The following HDAC9 variants were observed in gnomAD, a reference collection of about 807,000 sequenced individuals.
HDAC9 encodes the protein MEF-2 interacting transcription repressor (MITR) protein.
HDAC9 carries 41 observed loss-of-function variants against 139.4 expected under a neutral mutation model. That is an observed-to-expected ratio of 0.29 (90% confidence interval 0.23 to 0.38). HDAC9 has a LOEUF of 0.38. Ranked by LOEUF, HDAC9 falls within the 10% of genes least tolerant of loss-of-function variation. The pLI is 1.00. For synonymous variants in HDAC9, 517 were observed against 476.2 expected, an observed-to-expected ratio of 1.09 and a Z score of -1.12; for missense variants, 1,147 against 1,297.0, an observed-to-expected ratio of 0.88 and a Z score of 1.78.
chr7:18,291,841 G>C (rs1428897054), intron 1 of HDAC9, among the ~76,000 whole-genome samples: 1 of 152,092 alleles, frequency 6.6e-6, no homozygotes, highest in South Asian at 2.1e-4. Flanking sequence ...TAAGCTCACA[G>C]AGCAAGGAGT....
intron 2 of HDAC9, among the ~76,000 whole-genome samples, chr7:18,173,882 T>C (rs1336567245): frequency 6.6e-6 from 1 of 152,236 alleles, no homozygotes; most frequent in Non-Finnish European, 1.5e-5. Flanking sequence ...TAACAGTTTT[T>C]CCTTCGTTTC....
chr7:18,209,003 T>C (rs1363871883), intron 2 of HDAC9, among the ~76,000 whole-genome samples: 2 of 152,352 alleles, frequency 1.3e-5, no homozygotes, highest in African/African-American at 4.8e-5. Flanking sequence ...CAAAAGTAAT[T>C]AGTCAACATA....
At chr7:18,396,939 A>C (rs181974160) in intron 1 of HDAC9, among the ~76,000 whole-genome samples, 1 of 151,968 alleles carries the variant, frequency 6.6e-6, no homozygotes, top group African/African-American at 2.4e-5. Flanking sequence ...TTGACTTACA[A>C]TGTAATACCT....
intron 17 of HDAC9, among the ~76,000 whole-genome samples, chr7:18,799,884 A>G (rs1427514057): frequency 6.6e-6 from 1 of 152,242 alleles, no homozygotes; most frequent in Non-Finnish European, 1.5e-5. Context: ...CCCAAATTCA[A>G]TAAAAACATT....
intron 2 of HDAC9, among the ~76,000 whole-genome samples, chr7:18,262,694 A>G (rs900982318): frequency 6.6e-6 from 1 of 152,226 alleles, no homozygotes; most frequent in African/African-American, 2.4e-5. Context: ...TAGTGTATTC[A>G]GAAGTAATTT....
In HDAC9 at chr7:18,757,842, G is replaced by C. The variant is rs1284387668; in HGVS notation, c.2044-4315G>C. ...CTTCTATAATCGGGATGCATTAACG[G>C]GCTCTCTTTCAGAAAGACTATTTCT... On this transcript the variant is annotated intron_variant, in intron 14 of 25. Coordinates refer to ENST00000686413, the MANE Select transcript of HDAC9 (RefSeq NM_178425.4). Among the ~76,000 whole-genome samples, 3 of 152,022 alleles carry C rather than the reference G, an allele frequency of 2.0e-5. No homozygotes were observed. In the East Asian group the frequency reaches 5.8e-4, roughly 29 times the overall value.
chr7:18,679,488 C>CTTTCT (rs1051806759), intron 12 of HDAC9, among the ~76,000 whole-genome samples: 1 of 151,500 alleles, frequency 6.6e-6, no homozygotes. Context: ...CCCTCTCTCC[C>CTTTCT]TTTCTTTTCT....
At chr7:18,204,941 G>C (rs1479236181) in intron 2 of HDAC9, among the ~76,000 whole-genome samples, 2 of 151,782 alleles carry the variant, frequency 1.3e-5, no homozygotes, top group African/African-American at 4.8e-5. Flanking sequence ...TTAAAAAGTT[G>C]TCATCTTTCA....
In HDAC9 at chr7:19,000,459, A is replaced by T. The variant is rs555130097; in HGVS notation, c.*4397A>T. ...GATGACATTTGTAAGTGAACGTGGT[A>T]TACTCACACATGCTATACTCATACT... On this transcript the variant is annotated 3_prime_UTR_variant, in exon 26 of 26. Transcript: ENST00000686413. 6.6e-6 allele frequency: 1 copy of T among 152,368 alleles called. No individual in the cohort carries two copies. Among genetic ancestry groups the T allele is most frequent in the African/African-American group, 2.4e-5 (1 of 41,596 alleles). The allele number at this position is 152,368 out of a possible 1,614,324, so 9.4% of individuals were successfully genotyped here. A position where few individuals can be genotyped will look rare whatever the true frequency, so the allele number is the denominator to read the frequency against.
chr7:18,713,458 T>C (rs866581575), intron 12 of HDAC9, among the ~76,000 whole-genome samples: 1 of 152,150 alleles, frequency 6.6e-6, no homozygotes, highest in African/African-American at 2.4e-5. Context: ...ATTAGATTGA[T>C]TTAGCTATTC....
chr7:18,599,495 A>G (rs192167394), intron 6 of HDAC9, among the ~76,000 whole-genome samples: 150 of 152,168 alleles, frequency 9.9e-4, no homozygotes, highest in African/African-American at 3.0e-3. Context: ...GGTAACCACT[A>G]ATTTTTTTAT....
chr7:18,725,930 G>A (rs569346549), intron 12 of HDAC9, among the ~76,000 whole-genome samples: 11 of 152,222 alleles, frequency 7.2e-5, no homozygotes, highest in African/African-American at 2.2e-4. Context: ...TCATCGAAGC[G>A]AATGCCCAAA....
chr7:18,237,143 A>G (rs1401447371), intron 2 of HDAC9, among the ~76,000 whole-genome samples: 1 of 152,146 alleles, frequency 6.6e-6, no homozygotes, highest in Non-Finnish European at 1.5e-5. Context: ...CCCAGCTTAC[A>G]CTGTTGTTGG....
intron 12 of HDAC9, among the ~76,000 whole-genome samples, chr7:18,684,900 C>A (rs1202817236): frequency 6.6e-6 from 1 of 151,972 alleles, no homozygotes; most frequent in Non-Finnish European, 1.5e-5. Context: ...TTTATCACAT[C>A]ATTTCTCTTG....
intron 22 of HDAC9, among the ~76,000 whole-genome samples, chr7:18,899,009 T>A (rs1233200286): frequency 6.6e-6 from 1 of 152,006 alleles, no homozygotes; most frequent in Non-Finnish European, 1.5e-5. Context: ...CCAAAAAGTA[T>A]GAAGATTGCT....
chr7:18,547,859 CCCTCCCT>C (rs1815612237), intron 2 of HDAC9, among the ~76,000 whole-genome samples: 6 of 119,710 alleles, frequency 5.0e-5, no homozygotes, highest in Admixed American at 8.2e-5. Context: ...TTCCTTCCTA[CCCTCCCT>C]CCCTCCCTCC....
rs1323059076 is a variant in HDAC9, at chr7:18,585,373, C to G, written c.115C>G (p.Pro39Ala). 1.2e-6 allele frequency: 2 copies of G among 1,613,752 alleles called. No individual in the cohort carries two copies. The highest frequency in any genetic ancestry group is 1.7e-6 in the Non-Finnish European group (2 of 1,179,888). Residue 39 changes from proline to alanine, a missense_variant, in exon 3 of 26, where the codon CCT becomes GCT. Physicochemically the swap from Pro to Ala is conservative, Grantham distance 27. Around this residue, in one of 7 missense-constraint regions of HDAC9, gnomAD observed 136 missense variants for 183.5 expected, o/e 0.74. Coordinates refer to ENST00000686413, the MANE Select transcript of HDAC9 (RefSeq NM_178425.4). ...CAGGATGATGATGCCCGTGGTGGAC[C>G]CTGTTGTCCGTGAGAAGCAATTGCA... The part of the protein sequence containing the change: ...DLRMMMPVVD[P>A]VVREKQLQQE...
At position 18,626,229 on chromosome 7, in the gene HDAC9, G is replaced by C. The variant is rs139966172; in HGVS notation, c.665-3121G>C. On this transcript the variant is annotated intron_variant, in intron 6 of 25. Transcript: ENST00000686413. ...GGCTTCCAGAGGGAGATGAAGTCAG[G>C]AAGAGACATAGCCATGGCCAGTTAT... Among the ~76,000 whole-genome samples, 254 of 152,242 alleles carry C rather than the reference G, an allele frequency of 1.7e-3. 2 individuals are homozygous for C. Among genetic ancestry groups the C allele is most frequent in the African/African-American group, 6.0e-3 (249 of 41,550 alleles).
chr7:18,717,756 A>G (rs1406637540), intron 12 of HDAC9, among the ~76,000 whole-genome samples: 3 of 152,108 alleles, frequency 2.0e-5, no homozygotes, highest in Admixed American at 6.5e-5. Context: ...CACACACAAC[A>G]TATAATTGTA....
Sources: gnomAD v4.1 joint callset for allele counts (sites outside exome capture counted in the v4.1 genomes callset) on GRCh38, gnomAD v4.1.1 for gene constraint, gnomAD v4.1.1 regional missense constraint, MANE v1.5 for transcripts, NCBI Gene and HGNC (gene_info 2026-07-23, HGNC 2026-07-21) for gene names.